The following CTDNEP1 variants were observed in gnomAD, a reference collection of about 807,000 sequenced individuals.
The protein encoded by CTDNEP1 is CTD nuclear envelope phosphatase 1, also known as C-terminal domain nuclear envelope phosphatase 1.
A neutral mutation model predicts 30.1 loss-of-function variants in CTDNEP1; 3 were observed. The ratio of observed to expected loss-of-function variants is 0.10; its 90% CI spans 0.05 to 0.26. CTDNEP1 has a LOEUF of 0.26. Among genes scored for constraint, CTDNEP1 ranks in the 10% least tolerant of loss-of-function variants. CTDNEP1 has a pLI of 1.00. For synonymous variants in CTDNEP1, 123 were observed against 118.8 expected (o/e 1.04, Z -0.23); for missense variants, 158 against 310.4 (o/e 0.51, Z 3.69).
chr17:7,244,795 T>C, intron 6 of CTDNEP1, 160 bp from the exon 7 acceptor site: 1 of 594,024 alleles, frequency 1.7e-6, no homozygotes, highest in East Asian at 2.9e-5. Context: ...GCTCCGAAAC[T>C]AAGTTTTAAT....
At chr17:7,245,183 T>C (rs1294318567) in intron 6 of CTDNEP1, among the ~76,000 whole-genome samples, 8 of 152,154 alleles carry the variant, frequency 5.3e-5, no homozygotes, top group African/African-American at 1.9e-4. Flanking sequence ...TCCCAGCTAC[T>C]TGGGAGGCTG....
chr17:7,246,662 AC>A lies in CTDNEP1; in HGVS notation c.360+128del. 2.6e-6 allele frequency: 2 copies of A among 763,876 alleles called. No homozygotes were observed. The highest frequency in any genetic ancestry group is 4.5e-6 in the Non-Finnish European group (2 of 444,422). 47.3% of individuals were successfully genotyped at this position (763,876 alleles called of 1,614,324 possible). On this transcript the variant is annotated intron_variant, in intron 4 of 7. Transcript: ENST00000574322. The surrounding 1 kb of genome is among the most constrained non-coding windows in gnomAD (Gnocchi z 4.9). ...TACTGAAAGCCACTCCCCTACCATT[AC>A]ACAGCCTCCCCTCTAGAAAACTGCT...
At chr17:7,250,229 G>A (rs1444198233) in intron 1 of CTDNEP1, among the ~76,000 whole-genome samples, 1 of 152,110 alleles carries the variant, frequency 6.6e-6, no homozygotes, top group Non-Finnish European at 1.5e-5. Flanking sequence ...ATGCTAAGGG[G>A]TACAGACCAC....
At chr17:7,251,821 A>AGGG (rs1452821508), upstream of CTDNEP1, 3 of 22,892 alleles carry the variant, frequency 1.3e-4, no homozygotes, top group East Asian at 1.5e-3. Flanking sequence ...GGAGCAGGGA[A>AGGG]GGAGGGGGAG....
intron 1 of CTDNEP1, among the ~76,000 whole-genome samples, chr17:7,248,362 C>CT (rs796375773): frequency 0.13 from 11,877 of 94,372 alleles, 2,173 homozygotes; most frequent in African/African-American, 0.4. Context: ...CTTTTTTTTT[C>CT]TTTTTTTTTT....
In CTDNEP1 at chr17:7,246,492, T is replaced by C. The variant is rs2071839610; in HGVS notation, c.361-122A>G. 1.3e-6 allele frequency: 1 copy of C among 758,378 alleles called. No homozygotes were observed. The highest frequency in any genetic ancestry group is 2.2e-6 in the Non-Finnish European group (1 of 449,044). The allele number at this position is 758,378 out of a possible 1,614,324, so 47.0% of individuals were successfully genotyped here. ...GCCTTCCATCAACATCAAATGTCTC[T>C]GAGGACACGAAATTCTGAACCCCCA... On this transcript the variant is annotated intron_variant, in intron 4 of 7. Transcript: ENST00000574322. The surrounding 1 kb of genome is among the most constrained non-coding windows in gnomAD (Gnocchi z 4.9).
intron 3 of CTDNEP1, 49 bp downstream of exon 3, chr17:7,247,015 G>T: frequency 6.8e-7 from 1 of 1,477,594 alleles, no homozygotes; most frequent in Non-Finnish European, 9.4e-7. Context: ...GTCCAGGTTT[G>T]GGCAGAGGAA....
intron 6 of CTDNEP1, among the ~76,000 whole-genome samples, chr17:7,245,333 T>C (rs1048465932): frequency 6.6e-6 from 1 of 151,256 alleles, no homozygotes; most frequent in South Asian, 2.1e-4. Flanking sequence ...GGCATGGTGG[T>C]GCACGCCTGT....
rs139618836 is a variant in CTDNEP1 at position 7,248,807 on chromosome 17, T to A, written c.103-1464A>T. ...TTCCCTAGTGCACATGGAGTAGGAG[T>A]CGGGAGGAGATCCCTGGGTCCTTAA... On this transcript the variant is annotated intron_variant, in intron 1 of 7. Coordinates refer to ENST00000574322, the MANE Select transcript of CTDNEP1 (RefSeq NM_001143775.2). 7.1e-4 allele frequency among the ~76,000 whole-genome samples: 108 copies of A among 151,648 alleles called. 1 individual carries two copies. The highest frequency in any genetic ancestry group is 2.5e-3 in the African/African-American group (103 of 41,298).
Position 7,246,974 on chromosome 17 carries a change from G to T in CTDNEP1, c.288+90C>A. 1.4e-6 allele frequency: 2 copies of T among 1,400,038 alleles called. No homozygotes were observed. Among genetic ancestry groups the T allele is most frequent in the Non-Finnish European group, 2.0e-6 (2 of 990,272 alleles). 86.7% of individuals were successfully genotyped at this position (1,400,038 alleles called of 1,614,324 possible). A position where few individuals can be genotyped will look rare whatever the true frequency, so the allele number is the denominator to read the frequency against. On this transcript the variant is annotated intron_variant, in intron 3 of 7. Coordinates refer to ENST00000574322, the MANE Select transcript of CTDNEP1 (RefSeq NM_001143775.2). The surrounding 1 kb of genome is among the most constrained non-coding windows in gnomAD (Gnocchi z 4.9). ...CAGGCTGACACTGGTGCCAGCGGAT[G>T]GAGACAGATGCTCTGGGACTGGGAA...
chr17:7,247,317 A>G lies in CTDNEP1; in HGVS notation c.129T>C (p.Tyr43=), dbSNP rs149371177. 9.9e-6 allele frequency: 16 copies of G among 1,613,986 alleles called. No homozygotes were observed. Among genetic ancestry groups the G allele is most frequent in the Non-Finnish European group, 1.4e-5 (16 of 1,180,004 alleles). The change falls in exon 2 of 8, where the codon TAT becomes TAC. Residue 43 remains tyrosine, a synonymous_variant. Coordinates refer to ENST00000574322, the MANE Select transcript of CTDNEP1 (RefSeq NM_001143775.2). ...ACACAGGAGATAAGGGGAGGATATC[A>G]TATCGAACAGTTTGGTACTGAATTA... The part of the protein sequence containing the change: ...RTVIQYQTVR[Y]DILPLSPVSR...
At position 7,249,920 on chromosome 17, in the gene CTDNEP1, G is replaced by GAAAAC. The variant is rs2071890590; in HGVS notation, c.102+1270_102+1274dup. Among the ~76,000 whole-genome samples, 4 of 152,072 alleles carry GAAAAC rather than the reference G, an allele frequency of 2.6e-5. No individual in the cohort carries two copies. The South Asian group carries it at 6.2e-4, about 24-fold the overall frequency. ...AGCGAGACTGTCTCAGAAAAGAAAA[G>GAAAAC]AAAACCCCAGGAGATAGCCCCACAC... is the stretch of plus-strand genomic sequence containing the variant. On this transcript the variant is annotated intron_variant, in intron 1 of 7. Transcript: ENST00000574322.
chr17:7,244,764 A>G, intron 6 of CTDNEP1, 129 bp from the exon 7 acceptor site: 1 of 690,820 alleles, frequency 1.4e-6, no homozygotes, highest in East Asian at 2.8e-5. Context: ...CAACAACCTA[A>G]GTAAAACTTT....
intron 7 of CTDNEP1, 123 bp from the exon 8 acceptor site, chr17:7,244,368 G>T: frequency 1.6e-6 from 2 of 1,259,816 alleles, no homozygotes; most frequent in Non-Finnish European, 2.3e-6. Context: ...GATTAGATAG[G>T]TTCAATTTGC....
In CTDNEP1 at chr17:7,244,534, G is replaced by C. The variant is rs1340702955; in HGVS notation, c.674+17C>G. On this transcript the variant is annotated intron_variant, in intron 7 of 7. Coordinates refer to ENST00000574322, the MANE Select transcript of CTDNEP1 (RefSeq NM_001143775.2). ...CTTTCTTGAGATATCCAAGTGTCCA[G>C]AGCCCACTTCCCTTACCTGAGGGCA... 1 of 1,599,324 alleles carries C rather than the reference G, an allele frequency of 6.3e-7. No homozygotes were observed. Among genetic ancestry groups the C allele is most frequent in the Non-Finnish European group, 8.6e-7 (1 of 1,166,516 alleles).
chr17:7,244,122 G>A lies in CTDNEP1; in HGVS notation c.*63C>T, dbSNP rs1388654448. The A allele has an allele frequency of 6.2e-7, 1 of 1,606,178 alleles. No homozygotes were observed. Among genetic ancestry groups the A allele is most frequent in the Non-Finnish European group, 8.5e-7 (1 of 1,176,510 alleles). On this transcript the variant is annotated 3_prime_UTR_variant, in exon 8 of 8. Transcript: ENST00000574322. ...CTCACATTGGACAGGGCATCAGACG[G>A]CATCCCAAGGGCTCGCCCTCCCTTT... is the stretch of plus-strand genomic sequence containing the variant.
At chr17:7,250,623 C>T (rs1348150656) in intron 1 of CTDNEP1, among the ~76,000 whole-genome samples, 2 of 152,220 alleles carry the variant, frequency 1.3e-5, no homozygotes, top group Non-Finnish European at 2.9e-5. Context: ...CAGATACCTA[C>T]ACTCACACTA....
intron 1 of CTDNEP1, among the ~76,000 whole-genome samples, chr17:7,250,266 G>A (rs192906448): frequency 6.6e-6 from 1 of 152,138 alleles, no homozygotes; most frequent in Admixed American, 6.5e-5. Flanking sequence ...CTGTGTCTCC[G>A]CTTACTAAAT....
intron 6 of CTDNEP1, among the ~76,000 whole-genome samples, chr17:7,245,232 C>T (rs958445642): frequency 6.6e-6 from 1 of 151,776 alleles, no homozygotes; most frequent in Non-Finnish European, 1.5e-5. Flanking sequence ...TCGGAGGTTG[C>T]AGTAAGCCGA....
Sources: gnomAD v4.1 joint callset for allele counts (sites outside exome capture counted in the v4.1 genomes callset) on GRCh38, gnomAD v4.1.1 for gene constraint, Gnocchi (gnomAD v3.1) non-coding constraint, MANE v1.5 for transcripts, NCBI Gene and HGNC (gene_info 2026-07-23, HGNC 2026-07-21) for gene names.